CCDC91: variants seen among roughly 807,000 people sequenced by gnomAD.
The protein encoded by CCDC91 is coiled-coil domain-containing protein 91.
Under a neutral mutation model 63.2 loss-of-function variants are expected in CCDC91, and 48 were observed. That is an observed-to-expected ratio of 0.76 (90% CI 0.60 to 0.97). CCDC91 has a LOEUF of 0.97. Among genes scored for constraint, CCDC91 ranks in the 50% least tolerant of loss-of-function variants. The pLI, the probability that CCDC91 is intolerant of heterozygous loss-of-function variation, is 0.00. For missense variants in CCDC91, 500 were observed against 494.6 expected (o/e 1.01, Z -0.10); for synonymous variants, 167 against 165.8 (o/e 1.01, Z -0.06).
chr12:28,194,443 G>T (rs940348890), intron 1 of CCDC91, among the ~76,000 whole-genome samples: 1 of 151,976 alleles, frequency 6.6e-6, no homozygotes, highest in Admixed American at 6.5e-5. Context: ...TCCGGAGTTT[G>T]TTCCTCCAGA....
intron 3 of CCDC91, among the ~76,000 whole-genome samples, chr12:28,266,924 A>G (rs1447699248): frequency 7.9e-5 from 12 of 151,946 alleles, no homozygotes. Context: ...TTTAGATTCC[A>G]TTTAGCTCAG....
At chr12:28,230,167 G>T (rs1488592134) in intron 1 of CCDC91, among the ~76,000 whole-genome samples, 1 of 152,164 alleles carries the variant, frequency 6.6e-6, no homozygotes, top group African/African-American at 2.4e-5. Flanking sequence ...TAAAGGATAT[G>T]TGTAATCTGG....
intron 12 of CCDC91, among the ~76,000 whole-genome samples, chr12:28,542,270 G>A (rs1035711052): frequency 9.2e-5 from 14 of 152,064 alleles, no homozygotes; most frequent in Non-Finnish European, 5.9e-5. Context: ...TTACTTACCA[G>A]GCATCTTTAA....
At chr12:28,527,243 A>G (rs1385122722) in intron 12 of CCDC91, among the ~76,000 whole-genome samples, 5 of 152,128 alleles carry the variant, frequency 3.3e-5, no homozygotes, top group Non-Finnish European at 7.3e-5. Context: ...CTCTGTCAGA[A>G]GAAGGTCTAG....
At chr12:28,424,606 A>C (rs1258337268) in intron 8 of CCDC91, among the ~76,000 whole-genome samples, 5 of 151,982 alleles carry the variant, frequency 3.3e-5, no homozygotes, top group Non-Finnish European at 7.4e-5. Context: ...TTTCCATTGA[A>C]GTTCATCTGT....
In CCDC91 at chr12:28,305,660, C is replaced by A. The variant is rs753939873; in HGVS notation, c.121C>A (p.His41Asn). 9.3e-6 allele frequency: 15 copies of A among 1,609,796 alleles called. No homozygotes were observed. In the South Asian group the frequency reaches 1.7e-4, roughly 18 times the overall value. The change falls in exon 4 of 13, where the codon CAT becomes AAT. Residue 41 changes from histidine to asparagine, a missense_variant. Transcript: ENST00000536442. Reference sequence around the variant, plus strand: ...TTGTTTTTCTTTAGTATCTGGAGTCCATCTTTCACCATCTTCTCCTGAGAT... The same window carrying A: ...TTGTTTTTCTTTAGTATCTGGAGTCAATCTTTCACCATCTTCTCCTGAGAT... ...WAAFPAVSGVHLSPSSPEIVL... is the reference protein window; with the variant it reads ...WAAFPAVSGVNLSPSSPEIVL...
At position 28,213,614 on chromosome 12, in the gene CCDC91, A is replaced by G. The variant is rs1231410404; in HGVS notation, c.-15+22973A>G. On this transcript the variant is annotated intron_variant, in intron 1 of 12. Transcript: ENST00000536442. ...TGTTCTTATTCCTGCTGGAGTAGACATTGAATATAGATTTCCTTTCCCTGC... is the reference window on the plus strand; with the variant it reads ...TGTTCTTATTCCTGCTGGAGTAGACGTTGAATATAGATTTCCTTTCCCTGC... 2.0e-5 allele frequency among the ~76,000 whole-genome samples: 3 copies of G among 152,228 alleles called. No homozygotes were observed. In the East Asian group the frequency reaches 5.8e-4, roughly 29 times the overall value.
intron 3 of CCDC91, among the ~76,000 whole-genome samples, chr12:28,291,086 A>G (rs1452833959): frequency 6.6e-6 from 1 of 152,214 alleles, no homozygotes; most frequent in African/African-American, 2.4e-5. Flanking sequence ...GGCTTGAACC[A>G]TCTTTATTAA....
chr12:28,226,180 G>T (rs1420338463), intron 1 of CCDC91: 3 of 152,166 alleles, frequency 2.0e-5, no homozygotes, highest in Non-Finnish European at 4.4e-5. Flanking sequence ...CTTTACTTGT[G>T]AATGAAGATT....
chr12:28,537,241 G>A (rs1036856291), intron 12 of CCDC91, among the ~76,000 whole-genome samples: 3 of 152,054 alleles, frequency 2.0e-5, no homozygotes, highest in African/African-American at 7.2e-5. Context: ...AAAGGAGGAG[G>A]CACTTGCCAA....
chr12:28,214,874 G>A lies in CCDC91; in HGVS notation c.-15+24233G>A, dbSNP rs189771851. Among the ~76,000 whole-genome samples the A allele has an allele frequency of 1.9e-3, 293 of 152,304 alleles. 3 individuals are homozygous for A. Among genetic ancestry groups the A allele is most frequent in the African/African-American group, 6.6e-3 (276 of 41,570 alleles). ...AAATATGATTTGAGGAGGTGCAGAT[G>A]TGTGCCAAGTGGACTTGTGATGCTT... On this transcript the variant is annotated intron_variant, in intron 1 of 12. Coordinates refer to ENST00000536442, the MANE Select transcript of CCDC91 (RefSeq NM_018318.5).
chr12:28,434,438 T>C (rs1224033582), intron 8 of CCDC91, among the ~76,000 whole-genome samples: 1 of 151,654 alleles, frequency 6.6e-6, no homozygotes, highest in Non-Finnish European at 1.5e-5. Flanking sequence ...TGTTGAGCTA[T>C]CCTTGCATAC....
chr12:28,487,158 T>C (rs529506488), intron 12 of CCDC91, among the ~76,000 whole-genome samples: 29 of 152,056 alleles, frequency 1.9e-4, no homozygotes, highest in Non-Finnish European at 3.7e-4. Flanking sequence ...TAAAACTGAT[T>C]TAATCAGTAC....
chr12:28,430,599 A>G lies in CCDC91; in HGVS notation c.763-19562A>G, dbSNP rs569894912. On this transcript the variant is annotated intron_variant, in intron 8 of 12. Coordinates refer to ENST00000536442, the MANE Select transcript of CCDC91 (RefSeq NM_018318.5). The stretch of plus-strand genomic sequence containing the variant: ...GTATATGAAAATGTTAGCATTCACT[A>G]TTTAAAGGATAGTGACCTTCATTAC... Among the ~76,000 whole-genome samples, 9 of 152,276 alleles carry G rather than the reference A, an allele frequency of 5.9e-5. No homozygotes were observed. In the South Asian group the frequency reaches 8.3e-4, roughly 14 times the overall value.
chr12:28,398,738 G>A (rs1383120008), intron 8 of CCDC91, among the ~76,000 whole-genome samples: 1 of 152,066 alleles, frequency 6.6e-6, no homozygotes, highest in Non-Finnish European at 1.5e-5. Flanking sequence ...TCATCTCATT[G>A]CACTTATTTG....
At chr12:28,347,577 T>TA (rs1942896895) in intron 6 of CCDC91, among the ~76,000 whole-genome samples, 1 of 152,148 alleles carries the variant, frequency 6.6e-6, no homozygotes, top group Non-Finnish European at 1.5e-5. Context: ...ACAATATAGC[T>TA]ACATTCACTT....
intron 3 of CCDC91, among the ~76,000 whole-genome samples, chr12:28,291,641 A>G (rs1949255925): frequency 6.6e-6 from 1 of 152,186 alleles, no homozygotes; most frequent in African/African-American, 2.4e-5. Context: ...GCCAGTTGTC[A>G]TATAAAATCC....
chr12:28,211,920 C>CT (rs1943259250), intron 1 of CCDC91, among the ~76,000 whole-genome samples: 1 of 152,180 alleles, frequency 6.6e-6, no homozygotes, highest in South Asian at 2.1e-4. Flanking sequence ...TAAGAGGCCT[C>CT]TAACTGGTCC....
At chr12:28,342,333 G>T (rs1942488367) in intron 6 of CCDC91, among the ~76,000 whole-genome samples, 1 of 152,136 alleles carries the variant, frequency 6.6e-6, no homozygotes, top group Non-Finnish European at 1.5e-5. Context: ...ATAAATGTGT[G>T]TTGTTTTAAG....
Sources: gnomAD v4.1 joint callset for allele counts (sites outside exome capture counted in the v4.1 genomes callset) on GRCh38, gnomAD v4.1.1 for gene constraint, MANE v1.5 for transcripts, NCBI Gene and HGNC (gene_info 2026-07-23, HGNC 2026-07-21) for gene names.